FSTL5: variants seen among roughly 807,000 people sequenced by gnomAD.
FSTL5 encodes the protein follistatin-related protein 5.
FSTL5 carries 62 observed loss-of-function variants against 89.1 expected under a neutral mutation model. That is an observed-to-expected ratio of 0.70 (90% confidence interval 0.57 to 0.86). FSTL5 has a LOEUF of 0.86. Among genes scored for constraint, FSTL5 ranks in the 40% least tolerant of loss-of-function variants. The probability of loss-of-function intolerance (pLI) is 0.00; values close to 1 mark genes in which losing one functional copy is unlikely to be tolerated. For synonymous variants in FSTL5, 383 were observed against 346.2 expected (o/e 1.11, Z -1.18); for missense variants, 1,057 against 1,001.6 (o/e 1.06, Z -0.75).
At chr4:161,774,041 C>T (rs1199020552) in intron 5 of FSTL5, among the ~76,000 whole-genome samples, 1 of 152,022 alleles carries the variant, frequency 6.6e-6, no homozygotes, top group Non-Finnish European at 1.5e-5. Flanking sequence ...ACTGGTGGAT[C>T]ACGAGGTCAG....
chr4:161,956,301 G>A, intron 3 of FSTL5, among the ~76,000 whole-genome samples: 2 of 151,490 alleles, frequency 1.3e-5, no homozygotes, highest in Non-Finnish European at 3.0e-5. Flanking sequence ...TTAAGAATAA[G>A]AATAAATAAA....
intron 7 of FSTL5, among the ~76,000 whole-genome samples, chr4:161,623,068 A>G (rs969231044): frequency 6.6e-6 from 1 of 152,118 alleles, no homozygotes; most frequent in Admixed American, 6.5e-5. Context: ...CACTTTTGAC[A>G]GAAAAGAATC....
At position 161,735,759 on chromosome 4, in the gene FSTL5, T is replaced by C. The variant is rs963286669; in HGVS notation, c.727+23652A>G. On this transcript the variant is annotated intron_variant, in intron 6 of 15. Transcript: ENST00000306100. ...GAACACTTAAGAGATTGTAGTTTTT[T>C]TGTGCTTACCTTTAACCAAATGTAC... Among the ~76,000 whole-genome samples, 5 of 152,314 alleles carry C rather than the reference T, an allele frequency of 3.3e-5. No individual in the cohort carries two copies. The South Asian group carries it at 8.3e-4, about 25-fold the overall frequency.
chr4:161,423,951 C>T (rs1238549733), intron 15 of FSTL5, among the ~76,000 whole-genome samples: 2 of 151,314 alleles, frequency 1.3e-5, no homozygotes, highest in Non-Finnish European at 2.9e-5. Flanking sequence ...GCTCTGCCTC[C>T]TGGGTTCAAG....
intron 15 of FSTL5, among the ~76,000 whole-genome samples, chr4:161,408,392 G>C (rs1406478395): frequency 6.6e-6 from 1 of 152,080 alleles, no homozygotes; most frequent in East Asian, 1.9e-4. Flanking sequence ...CAGACCTTTA[G>C]TCCTCTGAAA....
chr4:161,985,079 C>T (rs1438780533), intron 3 of FSTL5, among the ~76,000 whole-genome samples: 1 of 151,806 alleles, frequency 6.6e-6, no homozygotes, highest in Non-Finnish European at 1.5e-5. Context: ...GCTTCAGCCT[C>T]CGGAGTAGTT....
chr4:161,588,331 A>G (rs552676188), intron 7 of FSTL5, among the ~76,000 whole-genome samples: 1 of 152,288 alleles, frequency 6.6e-6, no homozygotes, highest in South Asian at 2.1e-4. Flanking sequence ...TATATTTACC[A>G]ATAAAAATAA....
intron 4 of FSTL5, among the ~76,000 whole-genome samples, chr4:161,868,415 G>T (rs2126897435): frequency 6.7e-6 from 1 of 150,058 alleles, no homozygotes; most frequent in Non-Finnish European, 1.5e-5. Flanking sequence ...GATACTCTCT[G>T]GAACTAAGAC....
At chr4:161,858,699 G>A (rs1731802775) in intron 4 of FSTL5, among the ~76,000 whole-genome samples, 1 of 152,122 alleles carries the variant, frequency 6.6e-6, no homozygotes, top group Non-Finnish European at 1.5e-5. Flanking sequence ...TGTGAATAAA[G>A]AGACTCCAAT....
At chr4:161,804,722 T>C (rs1041692760) in intron 4 of FSTL5, among the ~76,000 whole-genome samples, 2 of 152,054 alleles carry the variant, frequency 1.3e-5, no homozygotes, top group Non-Finnish European at 2.9e-5. Flanking sequence ...TAATCATGTA[T>C]TCAGTTAAGT....
At chr4:161,599,941 C>T (rs1375281693) in intron 7 of FSTL5, among the ~76,000 whole-genome samples, 1 of 151,908 alleles carries the variant, frequency 6.6e-6, no homozygotes, top group Non-Finnish European at 1.5e-5. Flanking sequence ...AACCTTGAAT[C>T]ATTCCTATCT....
chr4:161,442,161 T>TC (rs941361036), intron 15 of FSTL5, among the ~76,000 whole-genome samples: 8 of 151,852 alleles, frequency 5.3e-5, no homozygotes, highest in African/African-American at 1.9e-4. Context: ...TTTTTTTTTT[T>TC]TCATTCCCTC....
At chr4:162,041,843 A>G (rs1737972441) in intron 2 of FSTL5, 1 of 152,108 alleles carries the variant, frequency 6.6e-6, no homozygotes, top group Non-Finnish European at 1.5e-5. Flanking sequence ...GATGTTACAT[A>G]TTACATTTAG....
intron 2 of FSTL5, among the ~76,000 whole-genome samples, chr4:162,094,659 T>G (rs1730678589): frequency 6.6e-6 from 1 of 152,160 alleles, no homozygotes; most frequent in Non-Finnish European, 1.5e-5. Flanking sequence ...TATATAAATT[T>G]CAAAGGCAAA....
At chr4:161,488,909 TTCTC>T (rs1469093442) in intron 12 of FSTL5, among the ~76,000 whole-genome samples, 2 of 152,144 alleles carry the variant, frequency 1.3e-5, no homozygotes, top group Non-Finnish European at 2.9e-5. Context: ...GAGAATTTTA[TTCTC>T]TCTATCTGGC....
At chr4:161,606,806 A>G (rs895770853) in intron 7 of FSTL5, among the ~76,000 whole-genome samples, 7 of 152,134 alleles carry the variant, frequency 4.6e-5, no homozygotes, top group African/African-American at 1.4e-4. Context: ...GCAATGGGAG[A>G]CTGTGAATCT....
At chr4:162,122,809 C>T (rs572093510) in intron 1 of FSTL5, among the ~76,000 whole-genome samples, 1 of 152,032 alleles carries the variant, frequency 6.6e-6, no homozygotes, top group Non-Finnish European at 1.5e-5. Context: ...TTACTTTGTA[C>T]GTAAGCTACA....
At position 162,111,682 on chromosome 4, in the gene FSTL5, A is replaced by T. The variant is rs187490313; in HGVS notation, c.-16-270T>A. ...AAAATGTGGTAAGAAAAAAGTTAATAAAAAAAGGTTGAAAGAAAAGGGGAA... is the reference window on the plus strand; with the variant it reads ...AAAATGTGGTAAGAAAAAAGTTAATTAAAAAAGGTTGAAAGAAAAGGGGAA... On this transcript the variant is annotated intron_variant, in intron 1 of 15. Coordinates refer to ENST00000306100, the MANE Select transcript of FSTL5 (RefSeq NM_020116.5). Among the ~76,000 whole-genome samples the T allele has an allele frequency of 2.1e-3, 318 of 152,194 alleles. 3 individuals carry two copies. Among genetic ancestry groups the T allele is most frequent in the African/African-American group, 7.4e-3 (306 of 41,552 alleles).
intron 6 of FSTL5, among the ~76,000 whole-genome samples, chr4:161,710,630 A>T (rs2126739278): frequency 6.6e-6 from 1 of 152,334 alleles, no homozygotes; most frequent in Admixed American, 6.5e-5. Flanking sequence ...TAGAAGACAC[A>T]GCATCAAAGG....
Sources: gnomAD v4.1 joint callset for allele counts (sites outside exome capture counted in the v4.1 genomes callset) on GRCh38, gnomAD v4.1.1 for gene constraint, MANE v1.5 for transcripts, NCBI Gene and HGNC (gene_info 2026-07-23, HGNC 2026-07-21) for gene names.